Variants in TLL1 observed in about 807,000 individuals in gnomAD.
TLL1 encodes tolloid like 1.
Under a neutral mutation model 128.2 loss-of-function variants are expected in TLL1, and 49 were observed. The ratio of observed to expected loss-of-function variants is 0.38; its 90% CI spans 0.30 to 0.48. The LOEUF (loss-of-function observed/expected upper bound fraction) is 0.48. TLL1 is among the 20% of genes least tolerant of loss of function. The pLI, the probability that TLL1 is intolerant of heterozygous loss-of-function variation, is 0.96. For missense variants in TLL1, 1,123 were observed against 1,242.0 expected (o/e 0.90, Z 1.44); for synonymous variants, 454 against 418.8 (o/e 1.08, Z -1.03).
At position 165,992,940 on chromosome 4, in the gene TLL1, C is replaced by T. The variant is rs776390238; in HGVS notation, c.361+56C>T. On this transcript the variant is annotated intron_variant, in intron 3 of 20. Transcript: ENST00000061240. ...GACTTGATGTACAGTAAATATTATACTCATAGCAGTTCAGTTTATTAAAAT... is the reference window on the plus strand; with the variant it reads ...GACTTGATGTACAGTAAATATTATATTCATAGCAGTTCAGTTTATTAAAAT... 4 of 1,340,980 alleles carry T rather than the reference C, an allele frequency of 3.0e-6. No homozygotes were observed. The African/African-American group carries it at 5.8e-5, about 19-fold the overall frequency. 83.1% of individuals were successfully genotyped at this position (1,340,980 alleles called of 1,614,324 possible). A position where few individuals can be genotyped will look rare whatever the true frequency, so the allele number is the denominator to read the frequency against.
intron 17 of TLL1, among the ~76,000 whole-genome samples, chr4:166,076,748 C>G (rs76629008): frequency 0.013 from 1,918 of 152,256 alleles, 48 homozygotes; most frequent in African/African-American, 0.043. Flanking sequence ...TGGATCCAAA[C>G]TTTTAAGGCT....
rs1231736004 is a variant in TLL1, at chr4:166,042,139, T to C, written c.1374T>C (p.Tyr458=). Residue 458 remains tyrosine, a synonymous_variant, in exon 11 of 21, where the codon TAT becomes TAC. Coordinates refer to ENST00000061240, the MANE Select transcript of TLL1 (RefSeq NM_012464.5). ...TAGGAAAAGGCTTTGCAGCTGTCTA[T>C]GAAGGTAAGTCACATTGAATTTTAG... ...NWVGKGFAAV[Y]EAICGGEIRK... is the part of the protein sequence containing the mutation. The C allele has an allele frequency of 6.2e-7, 1 of 1,602,110 alleles. No individual in the cohort carries two copies. The highest frequency in any genetic ancestry group is 2.2e-5 in the East Asian group (1 of 44,616).
chr4:166,037,364 G>A (rs1277515375), intron 9 of TLL1, among the ~76,000 whole-genome samples: 1 of 152,054 alleles, frequency 6.6e-6, no homozygotes, highest in African/African-American at 2.4e-5. Context: ...AGGATTATTG[G>A]TAAAAATGAT....
chr4:165,964,441 T>C (rs1251937026), intron 1 of TLL1, among the ~76,000 whole-genome samples: 1 of 152,204 alleles, frequency 6.6e-6, no homozygotes, highest in Non-Finnish European at 1.5e-5. Context: ...TGTCTGTGAC[T>C]GCATGTGTTT....
In TLL1 at chr4:165,873,755, CAT is replaced by C; in HGVS notation, c.-149_-148del. ...CTCTCTACTGTCCCGGCGGCATCCA[CAT>C]GTTTCCGGACACCTGAGCACCCCGG... is the stretch of plus-strand genomic sequence containing the variant. On this transcript the variant is annotated 5_prime_UTR_variant, in exon 1 of 21. An upstream start codon of the reference 5' UTR is lost. Coordinates refer to ENST00000061240, the MANE Select transcript of TLL1 (RefSeq NM_012464.5). The C allele has an allele frequency of 1.3e-6, 1 of 760,960 alleles. No homozygotes were observed. The highest frequency in any genetic ancestry group is 1.7e-5 in the African/African-American group (1 of 57,536). The allele number at this position is 760,960 out of a possible 1,614,324, so 47.1% of individuals were successfully genotyped here.
intron 1 of TLL1, 31 bp downstream of exon 1, chr4:165,874,104 G>A (rs375931832): frequency 1.2e-6 from 2 of 1,613,394 alleles, no homozygotes; most frequent in African/African-American, 1.3e-5. Context: ...GGACGGTGGC[G>A]CGCCGGGGGC....
At chr4:166,019,155 C>T (rs951375672) in intron 8 of TLL1, among the ~76,000 whole-genome samples, 3 of 152,114 alleles carry the variant, frequency 2.0e-5, no homozygotes, top group Non-Finnish European at 2.9e-5. Context: ...CCTTTTCAGC[C>T]GCATGGATGG....
At chr4:166,059,146 T>C (rs550017770) in intron 14 of TLL1, among the ~76,000 whole-genome samples, 1 of 84,522 alleles carries the variant, frequency 1.2e-5, no homozygotes, top group African/African-American at 1.1e-4. Context: ...AAGAAAGTGG[T>C]AAAAGTAACT....
Position 166,099,359 on chromosome 4 carries a change from A to G in TLL1, c.2739A>G (p.Gly913=). 1.2e-6 allele frequency: 2 copies of G among 1,613,618 alleles called. No individual in the cohort carries two copies. The highest frequency in any genetic ancestry group is 1.7e-5 in the Admixed American group (1 of 59,966). ...AGTTTGGTGATAACAACTACCCAGG[A>G]CAGGTTGACTGTGAATGGCTATTAG... ...HAQFGDNNYP[G]QVDCEWLLVS... The change falls in exon 20 of 21, where the codon GGA becomes GGG. Residue 913 remains glycine (G), a synonymous_variant. Transcript: ENST00000061240.
chr4:166,055,020 T>C, intron 12 of TLL1, 56 bp from the exon 13 acceptor site: 1 of 1,425,538 alleles, frequency 7.0e-7, no homozygotes, highest in Non-Finnish European at 9.6e-7. Flanking sequence ...TCTATCCTCC[T>C]ATATAAAATG....
intron 8 of TLL1, among the ~76,000 whole-genome samples, chr4:166,024,887 T>G (rs1230987496): frequency 6.6e-6 from 1 of 152,190 alleles, no homozygotes; most frequent in Non-Finnish European, 1.5e-5. Context: ...TAACATTTTT[T>G]AAACTTGATA....
intron 6 of TLL1, among the ~76,000 whole-genome samples, chr4:166,004,102 T>C (rs1253479714): frequency 6.6e-6 from 1 of 152,086 alleles, no homozygotes; most frequent in Non-Finnish European, 1.5e-5. Flanking sequence ...AAAGACAAAT[T>C]CTTAGGAAAA....
chr4:166,053,980 T>G (rs183816771), intron 12 of TLL1, among the ~76,000 whole-genome samples: 26 of 152,212 alleles, frequency 1.7e-4, no homozygotes, highest in Non-Finnish European at 3.2e-4. Flanking sequence ...TAAATTTTGT[T>G]TTTTTTTGTT....
Position 166,052,965 on chromosome 4 carries a change from G to GTATATATATATATATATATATA in TLL1, c.1525-2094_1525-2093insATATATATATATATATATATAT, listed in dbSNP as rs61229255. 5.2e-4 allele frequency among the ~76,000 whole-genome samples: 52 copies of GTATATATATATATATATATATA among 99,696 alleles called. 1 individual carries two copies. Among genetic ancestry groups the GTATATATATATATATATATATA allele is most frequent in the African/African-American group, 1.9e-3 (50 of 26,274 alleles). 65.4% of individuals were successfully genotyped at this position (99,696 alleles called of 152,430 possible). ...TAAAGACTGAGATAAGAGGTTATGTGTATATATATATATATATTTGGCCAA... is the reference window on the plus strand; with the variant it reads ...TAAAGACTGAGATAAGAGGTTATGTGTATATATATATATATATATATATATATATATATATATATTTGGCCAA... On this transcript the variant is annotated intron_variant, in intron 12 of 20. Coordinates refer to ENST00000061240, the MANE Select transcript of TLL1 (RefSeq NM_012464.5).
At position 166,018,277 on chromosome 4, in the gene TLL1, C is replaced by T. The variant is rs376058567; in HGVS notation, c.1042+3717C>T. On this transcript the variant is annotated intron_variant, in intron 8 of 20. Transcript: ENST00000061240. Reference sequence around the variant, plus strand: ...AATGAAACTGGACTCTATCTTTCACCGTATATAACCATATACATAAATTAA... The same window carrying T: ...AATGAAACTGGACTCTATCTTTCACTGTATATAACCATATACATAAATTAA... Among the ~76,000 whole-genome samples the T allele has an allele frequency of 2.6e-5, 4 of 151,950 alleles. No individual in the cohort carries two copies. In the East Asian group the frequency reaches 5.8e-4, roughly 22 times the overall value.
intron 8 of TLL1, among the ~76,000 whole-genome samples, chr4:166,024,649 G>T (rs1308340769): frequency 6.6e-6 from 1 of 152,054 alleles, no homozygotes; most frequent in African/African-American, 2.4e-5. Flanking sequence ...ACTGAAAATT[G>T]GTTCCAGGGA....
intron 1 of TLL1, among the ~76,000 whole-genome samples, chr4:165,876,504 A>G (rs1730729473): frequency 6.6e-6 from 1 of 152,192 alleles, no homozygotes; most frequent in South Asian, 2.1e-4. Context: ...GCCCTTTCTG[A>G]GCTCCTCTAA....
At position 165,873,823 on chromosome 4, in the gene TLL1, G is replaced by T; in HGVS notation, c.-82G>T. The T allele has an allele frequency of 6.6e-7, 1 of 1,525,860 alleles. No homozygotes were observed. Among genetic ancestry groups the T allele is most frequent in the Non-Finnish European group, 9.0e-7 (1 of 1,106,722 alleles). 94.5% of individuals were successfully genotyped at this position (1,525,860 alleles called of 1,614,324 possible). ...TCCGGGTGGGGAGAAGAGCACCGGT[G>T]CCCCTAGCCCCGCACATCAGCGCGG... On this transcript the variant is annotated 5_prime_UTR_variant, in exon 1 of 21. Coordinates refer to ENST00000061240, the MANE Select transcript of TLL1 (RefSeq NM_012464.5).
At chr4:166,096,551 G>A (rs181731922) in intron 19 of TLL1, among the ~76,000 whole-genome samples, 6 of 151,980 alleles carry the variant, frequency 3.9e-5, no homozygotes, top group Non-Finnish European at 7.4e-5. Context: ...TGTGGCTGGC[G>A]AAGGGTTGCT....
Sources: allele counts gnomAD v4.1 joint callset (sites outside exome capture counted in the v4.1 genomes callset), GRCh38; gene constraint gnomAD v4.1.1; transcripts MANE v1.5; gene names NCBI Gene and HGNC (gene_info 2026-07-23, HGNC 2026-07-21).